FGD4: variants seen among roughly 807,000 people sequenced by gnomAD.
The protein encoded by FGD4 is FYVE, RhoGEF and PH domain containing 4, also known as FYVE, RhoGEF and PH domain-containing protein 4.
Under a neutral mutation model 102.0 loss-of-function variants are expected in FGD4, and 42 were observed. That is an observed-to-expected ratio of 0.41 (90% confidence interval 0.32 to 0.53). The LOEUF is 0.53. FGD4 is among the 20% of genes least tolerant of loss of function. The pLI is 0.21. For missense variants in FGD4, 902 were observed against 1,078.2 expected, an observed-to-expected ratio of 0.84 and a Z score of 2.29; for synonymous variants, 380 against 375.7, an observed-to-expected ratio of 1.01 and a Z score of -0.13.
chr12:32,611,795 A>G (rs1454438401), intron 10 of FGD4, among the ~76,000 whole-genome samples: 1 of 152,224 alleles, frequency 6.6e-6, no homozygotes, highest in Non-Finnish European at 1.5e-5. Context: ...GTAGTGGCCC[A>G]TCTGGAGCAG....
intron 1 of FGD4, among the ~76,000 whole-genome samples, chr12:32,540,996 T>G (rs1308412891): frequency 6.6e-6 from 1 of 152,162 alleles, no homozygotes; most frequent in African/African-American, 2.4e-5. Flanking sequence ...TAGTCAGACT[T>G]TTTATTTGTA....
intron 1 of FGD4, among the ~76,000 whole-genome samples, chr12:32,493,165 G>A (rs901303327): frequency 6.6e-6 from 1 of 152,212 alleles, no homozygotes; most frequent in Non-Finnish European, 1.5e-5. Flanking sequence ...GGCAGTCACC[G>A]TCCAGCTACC....
intron 1 of FGD4, among the ~76,000 whole-genome samples, chr12:32,523,854 T>G (rs1308742947): frequency 6.6e-6 from 1 of 151,840 alleles, no homozygotes; most frequent in Admixed American, 6.6e-5. Flanking sequence ...GGCAGGCACC[T>G]GTAGTCCCAG....
At chr12:32,450,876 A>T (rs1591924836) in intron 1 of FGD4, among the ~76,000 whole-genome samples, 2 of 152,180 alleles carry the variant, frequency 1.3e-5, no homozygotes, top group Non-Finnish European at 1.5e-5. Flanking sequence ...TCCCTAACTT[A>T]CTTACTTAGT....
At chr12:32,546,569 T>C (rs1190820029) in intron 1 of FGD4, among the ~76,000 whole-genome samples, 1 of 152,260 alleles carries the variant, frequency 6.6e-6, no homozygotes, top group Non-Finnish European at 1.5e-5. Flanking sequence ...GTGTGCTGTC[T>C]ATGTGACAGT....
At chr12:32,521,802 T>C (rs1940582257) in intron 1 of FGD4, among the ~76,000 whole-genome samples, 1 of 152,224 alleles carries the variant, frequency 6.6e-6, no homozygotes, top group Admixed American at 6.5e-5. Context: ...AGGATGAAGA[T>C]AAGCCATACT....
At position 32,430,314 on chromosome 12, in the gene FGD4, G is replaced by GA. The variant is rs200906737; in HGVS notation, c.166+30365dup. Among the ~76,000 whole-genome samples, 828 of 142,910 alleles carry GA rather than the reference G, an allele frequency of 5.8e-3. 11 individuals carry two copies. Among genetic ancestry groups the GA allele is most frequent in the African/African-American group, 0.02 (775 of 39,024 alleles). The allele number at this position is 142,910 out of a possible 152,430, so 93.8% of individuals were successfully genotyped here. On this transcript the variant is annotated intron_variant, in intron 1 of 16. Transcript: ENST00000534526. ...TAAAGTGAGACTCTGTCTCAAAAAA[G>GA]AAAAAAAAAAGGAAAGAAGAGATTC... is the stretch of plus-strand genomic sequence containing the variant.
chr12:32,402,638 G>GT lies in FGD4; in HGVS notation c.166+2687dup, dbSNP rs544959886. On this transcript the variant is annotated intron_variant, in intron 1 of 16. Transcript: ENST00000534526. Reference sequence around the variant, plus strand: ...TTTAATTCAAAGAAAACCCAGAGCAGTTTTTTTTAAAATGGAGAACCTAGC... The same window carrying GT: ...TTTAATTCAAAGAAAACCCAGAGCAGTTTTTTTTTAAAATGGAGAACCTAGC... Among the ~76,000 whole-genome samples, 248 of 150,914 alleles carry GT rather than the reference G, an allele frequency of 1.6e-3. 2 individuals carry two copies. The highest frequency in any genetic ancestry group is 6.8e-3 in the Middle Eastern group (2 of 294).
At chr12:32,496,489 A>T (rs2136600604) in intron 1 of FGD4, among the ~76,000 whole-genome samples, 1 of 152,276 alleles carries the variant, frequency 6.6e-6, no homozygotes, top group East Asian at 1.9e-4. Context: ...ACATATCAAA[A>T]ACTCATCAAG....
intron 4 of FGD4, among the ~76,000 whole-genome samples, chr12:32,586,032 G>T (rs1041146559): frequency 1.1e-4 from 17 of 151,998 alleles, no homozygotes; most frequent in African/African-American, 4.1e-4. Flanking sequence ...AGGCAAGATT[G>T]TAGATGCTGC....
chr12:32,598,429 C>T (rs775223777), intron 4 of FGD4, 68 bp from the exon 5 acceptor site: 79 of 1,075,318 alleles, frequency 7.3e-5, no homozygotes, highest in South Asian at 5.7e-4. Flanking sequence ...TTTGAAGAAG[C>T]GTTTTTTACT....
At chr12:32,526,709 T>A (rs1941260708) in intron 1 of FGD4, among the ~76,000 whole-genome samples, 1 of 152,182 alleles carries the variant, frequency 6.6e-6, no homozygotes, top group African/African-American at 2.4e-5. Flanking sequence ...ACTCTTTGGG[T>A]CCATGCTGCT....
intron 2 of FGD4, among the ~76,000 whole-genome samples, chr12:32,565,934 C>A (rs1375860750): frequency 2.0e-5 from 3 of 152,170 alleles, no homozygotes; most frequent in Non-Finnish European, 4.4e-5. Context: ...TTCCCTGATA[C>A]CCATGGCTAA....
At chr12:32,474,616 C>G (rs867238551) in intron 1 of FGD4, among the ~76,000 whole-genome samples, 10 of 152,182 alleles carry the variant, frequency 6.6e-5, no homozygotes, top group African/African-American at 1.7e-4. Context: ...AAAAGGTATA[C>G]GGTTCTTTTT....
rs533774923 is a variant in FGD4, at chr12:32,406,068, C to T, written c.166+6109C>T. Among the ~76,000 whole-genome samples the T allele has an allele frequency of 1.3e-3, 196 of 152,080 alleles. 2 individuals are homozygous for T. The highest frequency in any genetic ancestry group is 4.3e-3 in the African/African-American group (180 of 41,504). On this transcript the variant is annotated intron_variant, in intron 1 of 16. Coordinates refer to ENST00000534526, the MANE Select transcript of FGD4 (RefSeq NM_001370298.3). ...AAGTGATTCTCCTGCCTTATCCTCCCGAGTAGCTGGGATTACTGGCATGTG... is the reference window on the plus strand; with the variant it reads ...AAGTGATTCTCCTGCCTTATCCTCCTGAGTAGCTGGGATTACTGGCATGTG...
Position 32,609,452 on chromosome 12 carries a change from C to T in FGD4, c.1544-1324C>T, listed in dbSNP as rs191254845. On this transcript the variant is annotated intron_variant, in intron 8 of 16. Coordinates refer to ENST00000534526, the MANE Select transcript of FGD4 (RefSeq NM_001370298.3). Reference sequence around the variant, plus strand: ...TTCATCTCTAGAGCAGTGGCTTTATCCCATCTTATTTTGTCTTCCTCTATC... The same window carrying T: ...TTCATCTCTAGAGCAGTGGCTTTATTCCATCTTATTTTGTCTTCCTCTATC... 3.3e-5 allele frequency among the ~76,000 whole-genome samples: 5 copies of T among 152,218 alleles called. No homozygotes were observed. In the East Asian group the frequency reaches 9.7e-4, roughly 29 times the overall value.
At chr12:32,595,360 C>G (rs1409738096) in intron 4 of FGD4, among the ~76,000 whole-genome samples, 1 of 152,112 alleles carries the variant, frequency 6.6e-6, no homozygotes, top group African/African-American at 2.4e-5. Context: ...TAACACTAAG[C>G]CCGGCCTAAA....
At chr12:32,628,220 TAAG>T (rs963702037) in intron 14 of FGD4, among the ~76,000 whole-genome samples, 1 of 152,022 alleles carries the variant, frequency 6.6e-6, no homozygotes, top group African/African-American at 2.4e-5. Context: ...GGGCAGATGA[TAAG>T]GAGATGCTAA....
At chr12:32,509,518 T>C (rs1939147167) in intron 1 of FGD4, among the ~76,000 whole-genome samples, 1 of 152,232 alleles carries the variant, frequency 6.6e-6, no homozygotes, top group Non-Finnish European at 1.5e-5. Flanking sequence ...TTCATGCTTA[T>C]ATCAGCAGAA....
Sources: gnomAD v4.1 joint callset for allele counts (sites outside exome capture counted in the v4.1 genomes callset) on GRCh38, gnomAD v4.1.1 for gene constraint, MANE v1.5 for transcripts, NCBI Gene and HGNC (gene_info 2026-07-23, HGNC 2026-07-21) for gene names.